PPAT: variants seen among roughly 807,000 people sequenced by gnomAD.
The protein encoded by PPAT is amidophosphoribosyltransferase.
A neutral mutation model predicts 60.2 loss-of-function variants in PPAT; 20 were observed. That is an observed-to-expected ratio of 0.33 (90% CI 0.23 to 0.48). The LOEUF (loss-of-function observed/expected upper bound fraction) is 0.48, where lower values mean the gene tolerates loss of function less well. Ranked by LOEUF, PPAT falls within the 20% of genes least tolerant of loss-of-function variation. PPAT has a pLI of 0.99. For synonymous variants in PPAT, 194 were observed against 215.1 expected, an observed-to-expected ratio of 0.90 and a Z score of 0.86; for missense variants, 349 against 629.6, an observed-to-expected ratio of 0.55 and a Z score of 4.77.
intron 1 of PPAT, chr4:56,411,029 T>G: frequency 3.0e-6 from 2 of 665,200 alleles, no homozygotes; most frequent in Non-Finnish European, 3.7e-6. Flanking sequence ...ATATCAAGAC[T>G]GTGGAAAAAT....
At chr4:56,397,978 G>A (rs1443820212) in intron 9 of PPAT, among the ~76,000 whole-genome samples, 2 of 152,080 alleles carry the variant, frequency 1.3e-5, no homozygotes, top group East Asian at 3.9e-4. Flanking sequence ...GGAGGTGGAG[G>A]TTGCAGTAAG....
chr4:56,423,744 A>G (rs1443849942), intron 1 of PPAT, among the ~76,000 whole-genome samples: 1 of 152,226 alleles, frequency 6.6e-6, no homozygotes, highest in African/African-American at 2.4e-5. Context: ...ACAAATGCAT[A>G]GTCATCCTAG....
intron 1 of PPAT, among the ~76,000 whole-genome samples, chr4:56,434,503 TAAGAA>T (rs1717790265): frequency 6.6e-6 from 1 of 152,226 alleles, no homozygotes; most frequent in African/African-American, 2.4e-5. Context: ...AGTCAGGTAG[TAAGAA>T]AAGGAAAGAT....
chr4:56,409,325 G>T (rs1716346551), intron 1 of PPAT, among the ~76,000 whole-genome samples: 1 of 152,126 alleles, frequency 6.6e-6, no homozygotes, highest in Non-Finnish European at 1.5e-5. Flanking sequence ...CCCCTAAATA[G>T]GGTTTCAACA....
At chr4:56,395,630 CAG>C in intron 10 of PPAT, 82 bp from the exon 11 acceptor site, 2 of 935,284 alleles carry the variant, frequency 2.1e-6, no homozygotes, top group Non-Finnish European at 2.9e-6. Context: ...TAGTTACAAA[CAG>C]AATAATTTAA....
intron 1 of PPAT, among the ~76,000 whole-genome samples, chr4:56,418,663 G>A (rs887490156): frequency 3.3e-5 from 5 of 151,862 alleles, no homozygotes; most frequent in African/African-American, 1.2e-4. Context: ...TTGAAACCCT[G>A]TCTCAAAAAA....
chr4:56,395,939 T>G (rs1341918559), intron 10 of PPAT, among the ~76,000 whole-genome samples: 2 of 152,206 alleles, frequency 1.3e-5, no homozygotes, highest in African/African-American at 2.4e-5. Flanking sequence ...AAACATTGCC[T>G]AAATGTAGAG....
At position 56,435,359 on chromosome 4, in the gene PPAT, A is replaced by T; in HGVS notation, c.119T>A (p.Leu40Gln). Residue 40 changes from leucine (L) to glutamine (Q), a missense_variant, in exon 1 of 11, where the codon CTG (leucine) becomes CAG (glutamine). Coordinates refer to ENST00000264220, the MANE Select transcript of PPAT (RefSeq NM_002703.5). ...CCACCCTGTTGCTCACCGGTGCTGCAGCCCCACGAGTCCCAGAGTGATCAC... is the reference window on the plus strand; with the variant it reads ...CCACCCTGTTGCTCACCGGTGCTGCTGCCCCACGAGTCCCAGAGTGATCAC... ...PHVITLGLVG[L>Q]QHRGQESAGI... 6.2e-7 allele frequency: 1 copy of T among 1,612,910 alleles called. No individual in the cohort carries two copies. Among genetic ancestry groups the T allele is most frequent in the Non-Finnish European group, 8.5e-7 (1 of 1,179,536 alleles).
Position 56,399,417 on chromosome 4 carries a change from G to A in PPAT, c.1015-17C>T. On this transcript the variant is annotated splice_polypyrimidine_tract_variant and intron_variant, in intron 8 of 10. Coordinates refer to ENST00000264220, the MANE Select transcript of PPAT (RefSeq NM_002703.5). Reference sequence around the variant, plus strand: ...AAGTCCACACTGATAGAGAAGAAATGAAAGGATAATGAGGAGTAATATACA... The same window carrying A: ...AAGTCCACACTGATAGAGAAGAAATAAAAGGATAATGAGGAGTAATATACA... The A allele has an allele frequency of 6.3e-7, 1 of 1,588,062 alleles. No homozygotes were observed. Among genetic ancestry groups the A allele is most frequent in the Non-Finnish European group, 8.6e-7 (1 of 1,156,988 alleles).
chr4:56,420,426 T>C lies in PPAT; in HGVS notation c.129-12710A>G, dbSNP rs557412888. 4 of 152,346 alleles carry C rather than the reference T, an allele frequency of 2.6e-5. 1 individual carries two copies. The highest frequency in any genetic ancestry group is 4.8e-5 in the African/African-American group (2 of 41,572). 9.4% of individuals were successfully genotyped at this position (152,346 alleles called of 1,614,324 possible). On this transcript the variant is annotated intron_variant, in intron 1 of 10. Coordinates refer to ENST00000264220, the MANE Select transcript of PPAT (RefSeq NM_002703.5). ...TTTCATATTAGGGATGCTCAACCTG[T>C]ATTGAGAATGTTCAGTACCATAAGA...
intron 1 of PPAT, among the ~76,000 whole-genome samples, chr4:56,425,608 G>C (rs1005880549): frequency 6.6e-6 from 1 of 152,176 alleles, no homozygotes; most frequent in Non-Finnish European, 1.5e-5. Flanking sequence ...CTGGCACAAA[G>C]CATCAACAAC....
chr4:56,410,653 G>T, intron 1 of PPAT: 1 of 986,740 alleles, frequency 1.0e-6, no homozygotes, highest in Non-Finnish European at 1.2e-6. Flanking sequence ...TTGCTAAAAG[G>T]CTGCAATCAT....
intron 3 of PPAT, among the ~76,000 whole-genome samples, chr4:56,405,035 T>G (rs1716211069): frequency 6.6e-6 from 1 of 151,194 alleles, no homozygotes; most frequent in Non-Finnish European, 1.5e-5. Flanking sequence ...CAACATTAAT[T>G]AATGAATGCC....
At position 56,399,195 on chromosome 4, in the gene PPAT, T is replaced by A; in HGVS notation, c.1220A>T (p.Glu407Val). ...ATTACTTACCTCTTTTGCACCAGAT[T>A]CTTTGAGCAGTTTTATTATAGGTGA... is the stretch of plus-strand genomic sequence containing the variant. The part of the protein sequence containing the change: ...TISPIIKLLK[E>V]SGAKEVHIRV... Residue 407 changes from glutamate (E) to valine (V), a missense_variant, in exon 9 of 11, where the codon GAA (glutamate) becomes GTA (valine). Glu to Val is a moderately radical substitution (Grantham distance 121). This residue lies in a region of PPAT where 167 missense variants were observed against 328.6 expected (regional missense o/e 0.51). Transcript: ENST00000264220. The A allele has an allele frequency of 6.2e-7, 1 of 1,610,540 alleles. No homozygotes were observed. The highest frequency in any genetic ancestry group is 8.5e-7 in the Non-Finnish European group (1 of 1,176,814).
In PPAT at chr4:56,409,438, CCAATA is replaced by C. The variant is rs1323787713; in HGVS notation, c.129-1727_129-1723del. The stretch of plus-strand genomic sequence containing the variant: ...CCTTTCTGCATTTTCCAAATGTTCT[CCAATA>C]AATAGCACTTTTGCTATTAGAAAAA... On this transcript the variant is annotated intron_variant, in intron 1 of 10. Coordinates refer to ENST00000264220, the MANE Select transcript of PPAT (RefSeq NM_002703.5). 7.3e-5 allele frequency among the ~76,000 whole-genome samples: 11 copies of C among 151,602 alleles called. No individual in the cohort carries two copies. The Admixed American group carries it at 7.3e-4, about 10-fold the overall frequency.
chr4:56,403,491 T>C, intron 3 of PPAT, 90 bp from the exon 4 acceptor site: 3 of 682,746 alleles, frequency 4.4e-6, no homozygotes, highest in Non-Finnish European at 6.9e-6. Flanking sequence ...AAATAAGGCA[T>C]TCTGTGGATG....
Position 56,401,484 on chromosome 4 carries a change from T to G in PPAT, c.735-3A>C. The G allele has an allele frequency of 6.3e-7, 1 of 1,584,526 alleles. No homozygotes were observed. Among genetic ancestry groups the G allele is most frequent in the Middle Eastern group, 1.7e-4 (1 of 5,978 alleles). On this transcript the variant is annotated splice_polypyrimidine_tract_variant and splice_region_variant and intron_variant, in intron 6 of 10. Coordinates refer to ENST00000264220, the MANE Select transcript of PPAT (RefSeq NM_002703.5). The stretch of plus-strand genomic sequence containing the variant: ...CAGGCAAGACTTCACGGTAATATCT[T>G]GGGAAACAATGTTAAAGAAAGAAGA...
intron 1 of PPAT, among the ~76,000 whole-genome samples, chr4:56,428,150 T>C (rs930692288): frequency 5.3e-5 from 8 of 152,254 alleles, no homozygotes; most frequent in Admixed American, 2.0e-4. Context: ...TATTGTATTC[T>C]TGGTACTTTA....
At position 56,397,656 on chromosome 4, in the gene PPAT, ATAACT is replaced by A. The variant is rs1384423033; in HGVS notation, c.1237-922_1237-918del. Among the ~76,000 whole-genome samples the A allele has an allele frequency of 5.3e-5, 8 of 152,332 alleles. No individual in the cohort carries two copies. The East Asian group carries it at 7.7e-4, about 15-fold the overall frequency. On this transcript the variant is annotated intron_variant, in intron 9 of 10. Transcript: ENST00000264220. ...ATAGAATAAGCTTTGAAATCTTAAA[ATAACT>A]TAATATATCTATATAAAAACATGTA...
Sources: gnomAD v4.1 joint callset for allele counts (sites outside exome capture counted in the v4.1 genomes callset) on GRCh38, gnomAD v4.1.1 for gene constraint, gnomAD v4.1.1 regional missense constraint, MANE v1.5 for transcripts, NCBI Gene and HGNC (gene_info 2026-07-23, HGNC 2026-07-21) for gene names.